Variants in RANBP2 observed in about 807,000 individuals in gnomAD.
RANBP2 encodes E3 SUMO-protein ligase RanBP2.
RANBP2 carries 57 observed loss-of-function variants against 303.6 expected under a neutral mutation model. The observed-to-expected ratio is 0.19, with a 90% CI of 0.15 to 0.23. The LOEUF (loss-of-function observed/expected upper bound fraction) is 0.23. Ranked by LOEUF, RANBP2 falls within the 10% of genes least tolerant of loss-of-function variation. The pLI, the probability that RANBP2 is intolerant of heterozygous loss-of-function variation, is 1.00. For missense variants in RANBP2, 3,138 were observed against 3,780.8 expected (o/e 0.83, Z 4.46); for synonymous variants, 1,167 against 1,301.5 (o/e 0.90, Z 2.23).
the RANBP2 span, among the ~76,000 whole-genome samples, chr2:108,808,622 A>G: frequency 1.3e-5 from 2 of 152,046 alleles, no homozygotes; most frequent in African/African-American, 4.8e-5. Context: ...GATATTGAGC[A>G]TTTTTTCATA....
the RANBP2 span, among the ~76,000 whole-genome samples, chr2:109,534,246 A>G: frequency 3.9e-5 from 6 of 152,124 alleles, no homozygotes; most frequent in Non-Finnish European, 8.8e-5. Context: ...TCAGCCTGGT[A>G]TGGAGACAGG....
rs1677519822 is a variant in RANBP2 at position 108,771,823 on chromosome 2, T to G, written c.7972T>G (p.Phe2658Val). The G allele has an allele frequency of 6.2e-7, 1 of 1,614,064 alleles. No homozygotes were observed. Among genetic ancestry groups the G allele is most frequent in the Middle Eastern group, 1.7e-4 (1 of 6,060 alleles). Residue 2658 changes from phenylalanine (F) to valine (V), a missense_variant, in exon 21 of 29, where the codon TTC becomes GTC. Physicochemically the swap from Phe to Val is conservative, Grantham distance 50. Around this residue, in one of 20 missense-constraint regions of RANBP2, gnomAD observed 497 missense variants for 465.8 expected, o/e 1.07. Transcript: ENST00000283195. ...ATKLKLPPTFFCYKNRPDYVS... is the reference protein window; with the variant it reads ...ATKLKLPPTFVCYKNRPDYVS... ...CAAACTTAAACTTCCTCCAACTTTC[T>G]TCTGCTACAAGAATAGACCAGATTA...
chr2:109,303,841 C>T, the RANBP2 span, among the ~76,000 whole-genome samples: 1 of 152,160 alleles, frequency 6.6e-6, no homozygotes, highest in Admixed American at 6.6e-5. Context: ...AAGTTCATCA[C>T]CTCTCAGAGT....
chr2:108,853,964 TA>T, the RANBP2 span, among the ~76,000 whole-genome samples: 6 of 112,938 alleles, frequency 5.3e-5, no homozygotes, highest in African/African-American at 2.1e-4. Flanking sequence ...ATATATATAA[TA>T]AAATATATAT....
chr2:109,158,790 C>T, the RANBP2 span, among the ~76,000 whole-genome samples: 1 of 152,214 alleles, frequency 6.6e-6, no homozygotes, highest in Non-Finnish European at 1.5e-5. Context: ...ATGGCTGATT[C>T]CCGAGTGTGC....
At chr2:108,971,500 G>A in the RANBP2 span, among the ~76,000 whole-genome samples, 7 of 151,846 alleles carry the variant, frequency 4.6e-5, no homozygotes, top group African/African-American at 1.7e-4. Flanking sequence ...CTTAAAACCA[G>A]GCATCAGTCT....
At chr2:109,692,728 C>T in the RANBP2 span, among the ~76,000 whole-genome samples, 1 of 152,180 alleles carries the variant, frequency 6.6e-6, no homozygotes, top group Non-Finnish European at 1.5e-5. Context: ...ATAAATTCAC[C>T]TCTGAAATTG....
At chr2:109,115,049 C>G in the RANBP2 span, among the ~76,000 whole-genome samples, 2 of 152,106 alleles carry the variant, frequency 1.3e-5, no homozygotes, top group African/African-American at 2.4e-5. Context: ...AGCTTTACTT[C>G]CAAGTATGTG....
chr2:109,140,622 C>T, the RANBP2 span, among the ~76,000 whole-genome samples: 1 of 152,112 alleles, frequency 6.6e-6, no homozygotes, highest in Non-Finnish European at 1.5e-5. Flanking sequence ...ACCTCATGAT[C>T]CACCTGCCTC....
the RANBP2 span, among the ~76,000 whole-genome samples, chr2:109,333,005 ATGTATTCGTCTTC>A: frequency 6.6e-6 from 1 of 152,238 alleles, no homozygotes; most frequent in Admixed American, 6.5e-5. Flanking sequence ...CTGCTGGGTC[ATGTATTCGTCTTC>A]GGCAGCCTGG....
the RANBP2 span, among the ~76,000 whole-genome samples, chr2:108,900,920 A>G: frequency 6.6e-6 from 1 of 152,216 alleles, no homozygotes; most frequent in African/African-American, 2.4e-5. Flanking sequence ...TAGACCTGAA[A>G]GAAGAGATAA....
chr2:108,822,473 ACT>A, the RANBP2 span, among the ~76,000 whole-genome samples: 2 of 152,206 alleles, frequency 1.3e-5, no homozygotes, highest in Admixed American at 6.5e-5. Flanking sequence ...TATACAGAAC[ACT>A]CTACCCAACA....
the RANBP2 span, among the ~76,000 whole-genome samples, chr2:109,719,599 G>A: frequency 6.6e-6 from 1 of 151,264 alleles, no homozygotes; most frequent in Admixed American, 6.6e-5. Flanking sequence ...TAGAGATGGG[G>A]TTTCACCGTG....
the RANBP2 span, among the ~76,000 whole-genome samples, chr2:109,264,321 C>T: frequency 2.0e-3 from 297 of 149,388 alleles, 2 homozygotes; most frequent in African/African-American, 7.0e-3. Context: ...TCTGTGTGTG[C>T]TCCCCGTTCA....
At chr2:109,202,949 T>C in the RANBP2 span, among the ~76,000 whole-genome samples, 1 of 152,162 alleles carries the variant, frequency 6.6e-6, no homozygotes, top group Non-Finnish European at 1.5e-5. Context: ...GCAAACACAA[T>C]GGGAGCTGGT....
chr2:109,374,805 A>G, the RANBP2 span, among the ~76,000 whole-genome samples: 1 of 152,204 alleles, frequency 6.6e-6, no homozygotes, highest in East Asian at 1.9e-4. Flanking sequence ...TATGGGGTTC[A>G]CCGAGGGACT....
the RANBP2 span, among the ~76,000 whole-genome samples, chr2:108,955,286 T>C: frequency 1.3e-5 from 2 of 152,290 alleles, no homozygotes; most frequent in South Asian, 4.2e-4. Flanking sequence ...GTGTATAAAG[T>C]ATTTACAACA....
chr2:109,652,073 G>A, the RANBP2 span, among the ~76,000 whole-genome samples: 1 of 152,182 alleles, frequency 6.6e-6, no homozygotes, highest in African/African-American at 2.4e-5. Flanking sequence ...TGTGGCAGCT[G>A]CACGGTAGTG....
At chr2:108,841,153 A>G in the RANBP2 span, among the ~76,000 whole-genome samples, 1 of 152,034 alleles carries the variant, frequency 6.6e-6, no homozygotes, top group Non-Finnish European at 1.5e-5. Context: ...TGAGTTCTTT[A>G]GAAGTTTGTT....
Sources: gnomAD v4.1 joint callset for allele counts (sites outside exome capture counted in the v4.1 genomes callset) on GRCh38, gnomAD v4.1.1 for gene constraint, gnomAD v4.1.1 regional missense constraint, MANE v1.5 for transcripts, NCBI Gene and HGNC (gene_info 2026-07-23, HGNC 2026-07-21) for gene names.